RBFOX3: variants seen among roughly 807,000 people sequenced by gnomAD.
RBFOX3 encodes RNA binding fox-1 homolog 3, also known as RNA binding protein fox-1 homolog 3.
In RBFOX3, 17 loss-of-function variants were observed where a neutral mutation model predicts 48.7. The observed-to-expected ratio is 0.35, with a 90% CI of 0.24 to 0.52. The LOEUF is 0.52. Ranked by LOEUF, RBFOX3 falls within the 20% of genes least tolerant of loss-of-function variation. RBFOX3 has a pLI of 0.94. For missense variants in RBFOX3, 382 were observed against 497.5 expected, an observed-to-expected ratio of 0.77 and a Z score of 2.21; for synonymous variants, 212 against 209.5, an observed-to-expected ratio of 1.01 and a Z score of -0.10.
intron 2 of RBFOX3, among the ~76,000 whole-genome samples, chr17:79,442,313 GGGAGTGAGGGAGGGA>G: frequency 3.4e-4 from 9 of 26,548 alleles, no homozygotes; most frequent in African/African-American, 1.3e-3. Context: ...GGGAGAGAGA[GGGAGTGAGGGAGGGA>G]GAGAGAGGGA....
rs553835705 is a variant in RBFOX3 at position 79,400,636 on chromosome 17, CCA to C, written c.-175+81816_-175+81817del. ...AGTTCACGTGTGACCCGCGAATTAA[CCA>C]CAGTTTTAAGAATGCAGAAGGCTCA... is the stretch of plus-strand genomic sequence containing the variant. On this transcript the variant is annotated intron_variant, in intron 2 of 14. Transcript: ENST00000693108. Among the ~76,000 whole-genome samples, 416 of 45,360 alleles carry C rather than the reference CCA, an allele frequency of 9.2e-3. 3 individuals carry two copies. Among genetic ancestry groups the C allele is most frequent in the African/African-American group, 0.027 (401 of 14,672 alleles). 29.8% of individuals were successfully genotyped at this position (45,360 alleles called of 152,430 possible). A position where few individuals can be genotyped will look rare whatever the true frequency, so the allele number is the denominator to read the frequency against.
chr17:79,609,329 G>T (rs2093915495), intron 1 of RBFOX3, among the ~76,000 whole-genome samples: 1 of 152,118 alleles, frequency 6.6e-6, no homozygotes, highest in African/African-American at 2.4e-5. Flanking sequence ...GCATGCCCAA[G>T]GCGTCCCCGA....
Position 79,606,053 on chromosome 17 carries a change from T to C in RBFOX3, c.-320+4773A>G, listed in dbSNP as rs1414540592. On this transcript the variant is annotated intron_variant, in intron 1 of 14. Transcript: ENST00000693108. ...CAGAGCCTTCGATACCACAGTCTTGTCAATGTTTCGAGTGCAGTGAGTTGG... is the reference window on the plus strand; with the variant it reads ...CAGAGCCTTCGATACCACAGTCTTGCCAATGTTTCGAGTGCAGTGAGTTGG... 2.6e-5 allele frequency among the ~76,000 whole-genome samples: 4 copies of C among 152,190 alleles called. No individual in the cohort carries two copies. The East Asian group carries it at 7.7e-4, about 29-fold the overall frequency.
At chr17:79,585,802 T>G (rs2093231811) in intron 1 of RBFOX3, among the ~76,000 whole-genome samples, 1 of 152,010 alleles carries the variant, frequency 6.6e-6, no homozygotes, top group African/African-American at 2.4e-5. Flanking sequence ...ATGAGCCTGA[T>G]GGGCCGAGAG....
At chr17:79,110,522 C>T (rs1305238656) in intron 5 of RBFOX3, among the ~76,000 whole-genome samples, 1 of 152,228 alleles carries the variant, frequency 6.6e-6, no homozygotes, top group African/African-American at 2.4e-5. Context: ...ACCACATGAA[C>T]CGGTTTTTGG....
At chr17:79,445,977 T>C (rs576740724) in intron 2 of RBFOX3, among the ~76,000 whole-genome samples, 2 of 152,306 alleles carry the variant, frequency 1.3e-5, no homozygotes, top group African/African-American at 4.8e-5. Flanking sequence ...CTGGGGGTGA[T>C]GCTGGCACAT....
At chr17:79,300,077 T>A (rs1481089193) in intron 3 of RBFOX3, among the ~76,000 whole-genome samples, 4 of 152,176 alleles carry the variant, frequency 2.6e-5, no homozygotes, top group African/African-American at 9.7e-5. Context: ...CTAACTTTTG[T>A]ATTTTTAGTA....
At chr17:79,189,646 C>T (rs1838347004) in intron 4 of RBFOX3, among the ~76,000 whole-genome samples, 1 of 152,190 alleles carries the variant, frequency 6.6e-6, no homozygotes, top group African/African-American at 2.4e-5. Context: ...GCTGCTAGAC[C>T]AAGGAAGCCC....
At chr17:79,625,573 C>T in the RBFOX3 span, among the ~76,000 whole-genome samples, 1 of 152,156 alleles carries the variant, frequency 6.6e-6, no homozygotes, top group Non-Finnish European at 1.5e-5. Flanking sequence ...GGGCGGATCA[C>T]CTGAGGTCAG....
rs12601441 is a variant in RBFOX3 at position 79,283,295 on chromosome 17, G to A, written c.-74+24429C>T. ...TTTTTTTTTTTTTTTTGAGATGGGA[G>A]TCTTGCTCTGTCGCCCAGGCTGGAG... On this transcript the variant is annotated intron_variant, in intron 3 of 14. Transcript: ENST00000693108. Among the ~76,000 whole-genome samples the A allele has an allele frequency of 5.2e-3, 688 of 132,014 alleles. 11 individuals carry two copies. The highest frequency in any genetic ancestry group is 0.039 in the East Asian group (174 of 4,434). The allele number at this position is 132,014 out of a possible 152,430, so 86.6% of individuals were successfully genotyped here.
At chr17:79,445,226 A>G (rs2071995358) in intron 2 of RBFOX3, among the ~76,000 whole-genome samples, 1 of 152,188 alleles carries the variant, frequency 6.6e-6, no homozygotes. Flanking sequence ...AGGTGTGTTC[A>G]TGGCAGACAT....
At chr17:79,150,034 G>A (rs1231362986) in intron 4 of RBFOX3, among the ~76,000 whole-genome samples, 1 of 98,206 alleles carries the variant, frequency 1.0e-5, no homozygotes, top group Non-Finnish European at 2.1e-5. Flanking sequence ...AGGGTGGGGG[G>A]TGGGGGTGGG....
chr17:79,396,950 A>G (rs1056889646), intron 2 of RBFOX3, among the ~76,000 whole-genome samples: 2 of 152,220 alleles, frequency 1.3e-5, no homozygotes, highest in African/African-American at 4.8e-5. Context: ...AGGAGAACGA[A>G]CCCCTGTCAC....
intron 2 of RBFOX3, among the ~76,000 whole-genome samples, chr17:79,397,031 C>T (rs768012100): frequency 2.6e-5 from 4 of 152,350 alleles, no homozygotes; most frequent in African/African-American, 7.2e-5. Flanking sequence ...GCTGCAAGGA[C>T]GACCTGTCTC....
rs141086431 is a variant in RBFOX3 at position 79,427,812 on chromosome 17, G to A, written c.-175+54642C>T. On this transcript the variant is annotated intron_variant, in intron 2 of 14. Coordinates refer to ENST00000693108, the MANE Select transcript of RBFOX3 (RefSeq NM_001350451.2). Reference sequence around the variant, plus strand: ...ACACATATTTGCAACATGCACAGGCGTGCACACATGAACATACATGTACAC... The same window carrying A: ...ACACATATTTGCAACATGCACAGGCATGCACACATGAACATACATGTACAC... Among the ~76,000 whole-genome samples the A allele has an allele frequency of 7.9e-5, 12 of 152,350 alleles. No homozygotes were observed. The East Asian group carries it at 1.2e-3, about 15-fold the overall frequency.
At chr17:79,400,379 C>T (rs1007358071) in intron 2 of RBFOX3, among the ~76,000 whole-genome samples, 1 of 152,194 alleles carries the variant, frequency 6.6e-6, no homozygotes, top group African/African-American at 2.4e-5. Context: ...CGTCACGGGG[C>T]CTTTTCCTGT....
chr17:79,191,630 G>A (rs574327865), intron 4 of RBFOX3, among the ~76,000 whole-genome samples: 1 of 152,218 alleles, frequency 6.6e-6, no homozygotes, highest in East Asian at 1.9e-4. Flanking sequence ...ATGGAGTGAC[G>A]AGGCGGCCGG....
At chr17:79,211,998 C>G (rs1187088722) in intron 4 of RBFOX3, among the ~76,000 whole-genome samples, 1 of 152,164 alleles carries the variant, frequency 6.6e-6, no homozygotes, top group African/African-American at 2.4e-5. Context: ...GAGGTTGTGG[C>G]CAGGCCAAGC....
intron 4 of RBFOX3, among the ~76,000 whole-genome samples, chr17:79,117,175 C>A (rs911884733): frequency 2.0e-5 from 3 of 152,248 alleles, no homozygotes; most frequent in Non-Finnish European, 2.9e-5. Flanking sequence ...CTCGCCCCCC[C>A]AGGAGTCTGC....
Sources: gnomAD v4.1 joint callset for allele counts (sites outside exome capture counted in the v4.1 genomes callset) on GRCh38, gnomAD v4.1.1 for gene constraint, MANE v1.5 for transcripts, NCBI Gene and HGNC (gene_info 2026-07-23, HGNC 2026-07-21) for gene names.